Variants in PDE4D observed in about 807,000 individuals in gnomAD.
The protein encoded by PDE4D is phosphodiesterase 4D.
PDE4D carries 24 observed loss-of-function variants against 87.4 expected under a neutral mutation model. The observed-to-expected ratio is 0.27, with a 90% CI of 0.20 to 0.39. The LOEUF (loss-of-function observed/expected upper bound fraction) is 0.39, where lower values mean the gene tolerates loss of function less well. Among genes scored for constraint, PDE4D ranks in the 10% least tolerant of loss-of-function variants. The pLI is 1.00. For missense variants in PDE4D, 714 were observed against 1,041.0 expected (o/e 0.69, Z 4.32); for synonymous variants, 384 against 383.2 (o/e 1.00, Z -0.02).
intron 11 of PDE4D, among the ~76,000 whole-genome samples, chr5:58,986,447 G>A (rs578126842): frequency 4.2e-5 from 4 of 96,060 alleles, no homozygotes; most frequent in Non-Finnish European, 9.5e-5. Context: ...ATATCGGTCC[G>A]TGGCCTGTCA....
rs1259099208 is a variant in PDE4D, at chr5:59,488,167, A to C, written c.456-272199T>G. Among the ~76,000 whole-genome samples, 6 of 45,422 alleles carry C rather than the reference A, an allele frequency of 1.3e-4. No individual in the cohort carries two copies. In the South Asian group the frequency reaches 3.1e-3, roughly 24 times the overall value. 29.8% of individuals were successfully genotyped at this position (45,422 alleles called of 152,430 possible). ...AAATCTTCTGACATCATCAAGAGCCAAAAAAAAAAAAAAAAAAAAAATGTG... is the reference window on the plus strand; with the variant it reads ...AAATCTTCTGACATCATCAAGAGCCCAAAAAAAAAAAAAAAAAAAAATGTG... On this transcript the variant is annotated intron_variant, in intron 1 of 14. Coordinates refer to ENST00000340635, the MANE Select transcript of PDE4D (RefSeq NM_001104631.2).
chr5:59,300,806 C>T (rs1200974339), intron 1 of PDE4D, among the ~76,000 whole-genome samples: 1 of 152,174 alleles, frequency 6.6e-6, no homozygotes, highest in Non-Finnish European at 1.5e-5. Context: ...CCCCCCACCA[C>T]ACCAGTCACA....
intron 1 of PDE4D, among the ~76,000 whole-genome samples, chr5:60,265,822 G>A (rs970557859): frequency 7.2e-5 from 11 of 152,138 alleles, no homozygotes; most frequent in African/African-American, 2.4e-4. Flanking sequence ...GCTGAGCCCC[G>A]AGTCAGGGCA....
At chr5:58,987,299 A>G (rs1219447031) in intron 11 of PDE4D, among the ~76,000 whole-genome samples, 5 of 152,246 alleles carry the variant, frequency 3.3e-5, no homozygotes, top group Non-Finnish European at 7.3e-5. Context: ...ATGAAATGTT[A>G]TCCTGTCTAA....
chr5:59,102,411 C>T (rs2153434213), intron 5 of PDE4D, among the ~76,000 whole-genome samples: 1 of 152,060 alleles, frequency 6.6e-6, no homozygotes, highest in East Asian at 1.9e-4. Flanking sequence ...CCTCTAAAAT[C>T]CAGACATGTT....
intron 1 of PDE4D, among the ~76,000 whole-genome samples, chr5:60,458,110 T>C (rs60257457): frequency 0.18 from 27,158 of 151,996 alleles, 3,940 homozygotes; most frequent in African/African-American, 0.4. Flanking sequence ...CATGGCCAGG[T>C]GCAGTGGCTT....
intron 6 of PDE4D, among the ~76,000 whole-genome samples, chr5:59,031,136 G>A (rs1443404709): frequency 6.6e-6 from 1 of 151,966 alleles, no homozygotes; most frequent in Non-Finnish European, 1.5e-5. Context: ...TGGTGGGAAT[G>A]TAAATTAGAA....
intron 1 of PDE4D, among the ~76,000 whole-genome samples, chr5:59,609,174 T>C (rs295961): frequency 0.75 from 113,192 of 151,612 alleles, 42,671 homozygotes; most frequent in South Asian, 0.87. Flanking sequence ...GGATGGGAAG[T>C]AGAAGGATAT....
chr5:60,489,879 TGACA>T (rs1200030436), upstream of PDE4D: 1 of 152,326 alleles, frequency 6.6e-6, no homozygotes, highest in Non-Finnish European at 1.5e-5. Flanking sequence ...CTCCATTTGT[TGACA>T]GACAAAGCCA....
intron 5 of PDE4D, among the ~76,000 whole-genome samples, chr5:59,148,693 A>G (rs1185808391): frequency 6.6e-6 from 1 of 152,070 alleles, no homozygotes; most frequent in Non-Finnish European, 1.5e-5. Flanking sequence ...TCCGTAGATG[A>G]TAGGTTATTC....
chr5:59,225,493 G>A (rs192712608), intron 1 of PDE4D, among the ~76,000 whole-genome samples: 4 of 152,162 alleles, frequency 2.6e-5, no homozygotes, highest in South Asian at 4.2e-4. Flanking sequence ...GCCTTTTGTG[G>A]TTTCTTATGA....
At chr5:59,540,165 A>G (rs1402193870) in intron 1 of PDE4D, among the ~76,000 whole-genome samples, 5 of 152,162 alleles carry the variant, frequency 3.3e-5, no homozygotes, top group African/African-American at 1.2e-4. Context: ...TTATACGTGT[A>G]ACTAACAGTA....
chr5:59,857,545 A>G (rs1266729185), intron 1 of PDE4D, among the ~76,000 whole-genome samples: 2 of 152,262 alleles, frequency 1.3e-5, no homozygotes, highest in East Asian at 3.9e-4. Context: ...AAAACCTTCC[A>G]GGTTTATTTC....
intron 5 of PDE4D, among the ~76,000 whole-genome samples, chr5:59,129,346 C>T (rs1174561163): frequency 6.6e-6 from 1 of 152,120 alleles, no homozygotes; most frequent in Non-Finnish European, 1.5e-5. Context: ...TCAAGTAATC[C>T]TCCTGCCTTG....
rs112190154 is a variant in PDE4D at position 59,623,664 on chromosome 5, C to T, written c.455+269504G>A. ...TTCCAATTCCTGACCTTTTATAAAC[C>T]TTGATACCCACCGCCTTCTGTACCT... On this transcript the variant is annotated intron_variant, in intron 1 of 14. Transcript: ENST00000340635. Among the ~76,000 whole-genome samples, 1,096 of 152,220 alleles carry T rather than the reference C, an allele frequency of 7.2e-3. 15 individuals are homozygous for T. The highest frequency in any genetic ancestry group is 0.024 in the African/African-American group (1,008 of 41,532).
At chr5:59,277,273 C>T (rs553964819) in intron 1 of PDE4D, among the ~76,000 whole-genome samples, 24 of 152,154 alleles carry the variant, frequency 1.6e-4, no homozygotes, top group Non-Finnish European at 2.6e-4. Context: ...TTCAATGACT[C>T]TCAGGCCTCT....
At chr5:59,677,736 G>A (rs533264912) in intron 1 of PDE4D, among the ~76,000 whole-genome samples, 1 of 152,074 alleles carries the variant, frequency 6.6e-6, no homozygotes, top group Non-Finnish European at 1.5e-5. Flanking sequence ...AAGGGTTTCC[G>A]AATCAGCCCA....
At chr5:59,614,563 T>C (rs1290644168) in intron 1 of PDE4D, among the ~76,000 whole-genome samples, 1 of 152,226 alleles carries the variant, frequency 6.6e-6, no homozygotes, top group African/African-American at 2.4e-5. Context: ...TACAAACTTC[T>C]ATGTAATTGT....
intron 1 of PDE4D, among the ~76,000 whole-genome samples, chr5:60,340,181 G>T (rs568040643): frequency 1.3e-5 from 2 of 152,206 alleles, no homozygotes. Context: ...GGGAATCCCT[G>T]CTTACAGCGC....
Sources: allele counts gnomAD v4.1 joint callset (sites outside exome capture counted in the v4.1 genomes callset), GRCh38; gene constraint gnomAD v4.1.1; transcripts MANE v1.5; gene names NCBI Gene and HGNC (gene_info 2026-07-23, HGNC 2026-07-21).